The following SCAPER variants were observed in gnomAD, a reference collection of about 807,000 sequenced individuals.
SCAPER encodes the protein S phase cyclin A-associated protein in the endoplasmic reticulum.
SCAPER carries 98 observed loss-of-function variants against 182.2 expected under a neutral mutation model. That is an observed-to-expected ratio of 0.54 (90% CI 0.46 to 0.64). The LOEUF (loss-of-function observed/expected upper bound fraction) is 0.64, where lower values mean the gene tolerates loss of function less well. Among genes scored for constraint, SCAPER ranks in the 30% least tolerant of loss-of-function variants. SCAPER has a pLI of 0.00. For synonymous variants in SCAPER, 605 were observed against 564.6 expected (o/e 1.07, Z -1.01); for missense variants, 1,432 against 1,690.0 (o/e 0.85, Z 2.68).
intron 25 of SCAPER, among the ~76,000 whole-genome samples, chr15:76,440,964 C>T (rs1250525092): frequency 7.4e-6 from 1 of 134,938 alleles, no homozygotes. Flanking sequence ...CTCTGTCGCC[C>T]AGGCTGGGGT....
chr15:76,716,587 A>C (rs1454671200), intron 17 of SCAPER, among the ~76,000 whole-genome samples: 2 of 152,096 alleles, frequency 1.3e-5, no homozygotes, highest in Admixed American at 6.6e-5. Context: ...TCATGATCTG[A>C]ATGAGAAATT....
At chr15:76,507,763 AAATT>A (rs2041715563) in intron 23 of SCAPER, among the ~76,000 whole-genome samples, 1 of 152,168 alleles carries the variant, frequency 6.6e-6, no homozygotes, top group South Asian at 2.1e-4. Flanking sequence ...CTTAAGATTA[AAATT>A]AATAATTTTG....
At chr15:76,888,895 A>G (rs2074008929) in intron 1 of SCAPER, among the ~76,000 whole-genome samples, 1 of 152,238 alleles carries the variant, frequency 6.6e-6, no homozygotes, top group Non-Finnish European at 1.5e-5. Context: ...CAAGGTTGAA[A>G]TAAAGGAAAA....
At chr15:76,835,005 T>C (rs1040173419) in intron 5 of SCAPER, among the ~76,000 whole-genome samples, 6 of 152,108 alleles carry the variant, frequency 3.9e-5, no homozygotes, top group African/African-American at 1.4e-4. Context: ...CTACTAAAAG[T>C]GTTCCCAAAA....
intron 5 of SCAPER, among the ~76,000 whole-genome samples, chr15:76,818,972 C>G (rs924117249): frequency 6.6e-6 from 1 of 152,220 alleles, no homozygotes; most frequent in Non-Finnish European, 1.5e-5. Flanking sequence ...CCTACGCCCA[C>G]GGAGCCTCCC....
At chr15:76,747,557 G>A (rs2061860596) in intron 15 of SCAPER, among the ~76,000 whole-genome samples, 1 of 152,006 alleles carries the variant, frequency 6.6e-6, no homozygotes, top group Admixed American at 6.6e-5. Flanking sequence ...AATGTTGGAG[G>A]TAGAGGCCTA....
intron 26 of SCAPER, among the ~76,000 whole-genome samples, chr15:76,423,746 T>G (rs1031699533): frequency 2.0e-5 from 3 of 152,258 alleles, no homozygotes; most frequent in Non-Finnish European, 4.4e-5. Flanking sequence ...TGTTTTCTCT[T>G]GTGGGCATTC....
intron 2 of SCAPER, among the ~76,000 whole-genome samples, chr15:76,864,855 C>T (rs868604857): frequency 6.6e-6 from 1 of 152,112 alleles, no homozygotes; most frequent in Non-Finnish European, 1.5e-5. Flanking sequence ...TATTACTTGT[C>T]ATTTTGAAAT....
chr15:76,397,199 A>G (rs2044125505), intron 27 of SCAPER, among the ~76,000 whole-genome samples: 9 of 152,006 alleles, frequency 5.9e-5, no homozygotes, highest in Admixed American at 5.9e-4. Context: ...ATAATGAATG[A>G]TCTTTTTTGC....
At chr15:76,845,519 G>A (rs1437634645) in intron 4 of SCAPER, among the ~76,000 whole-genome samples, 1 of 151,978 alleles carries the variant, frequency 6.6e-6, no homozygotes, top group African/African-American at 2.4e-5. Flanking sequence ...TGAAGTTGCA[G>A]GATACAAAGT....
At chr15:76,681,714 A>G (rs11632670) in intron 20 of SCAPER, among the ~76,000 whole-genome samples, 52,925 of 151,984 alleles carry the variant, frequency 0.35, 9,529 homozygotes, top group East Asian at 0.55. Flanking sequence ...TTCTCTCCAC[A>G]GATCCCTGGA....
At chr15:76,823,367 T>C (rs544617274) in intron 5 of SCAPER, among the ~76,000 whole-genome samples, 8 of 151,978 alleles carry the variant, frequency 5.3e-5, no homozygotes, top group African/African-American at 9.7e-5. Flanking sequence ...GGCTAAGGCA[T>C]GATTATTGCT....
rs752266691 is a variant in SCAPER at position 76,495,989 on chromosome 15, GAGAGACAC to G, written c.2954+8862_2954+8869del. ...GGAGAAAGAGAAAGAAAGCAAAAGA[GAGAGACAC>G]ACACACACACACACACACACACACA... On this transcript the variant is annotated intron_variant, in intron 24 of 31. Coordinates refer to ENST00000563290, the MANE Select transcript of SCAPER (RefSeq NM_020843.4). Among the ~76,000 whole-genome samples, 498 of 105,564 alleles carry G rather than the reference GAGAGACAC, an allele frequency of 4.7e-3. 7 individuals are homozygous for G. The highest frequency in any genetic ancestry group is 0.014 in the African/African-American group (372 of 27,286). 69.3% of individuals were successfully genotyped at this position (105,564 alleles called of 152,430 possible).
chr15:76,800,495 T>C (rs1311357532), intron 6 of SCAPER, 131 bp from the exon 7 acceptor site: 1 of 664,642 alleles, frequency 1.5e-6, no homozygotes, highest in Admixed American at 2.8e-5. Context: ...AGTCACAACA[T>C]GTGCAAATGT....
intron 23 of SCAPER, among the ~76,000 whole-genome samples, chr15:76,546,223 A>C (rs928309720): frequency 3.9e-5 from 6 of 152,206 alleles, no homozygotes; most frequent in Admixed American, 3.3e-4. Flanking sequence ...AATGATGAAA[A>C]TATAAGACCA....
At chr15:76,636,618 C>T (rs992172654) in intron 21 of SCAPER, among the ~76,000 whole-genome samples, 3 of 152,126 alleles carry the variant, frequency 2.0e-5, no homozygotes, top group African/African-American at 7.2e-5. Context: ...TGTTATGTTG[C>T]CTCTAAAAGT....
chr15:76,392,896 C>T (rs1468593799), intron 27 of SCAPER, among the ~76,000 whole-genome samples: 1 of 152,222 alleles, frequency 6.6e-6, no homozygotes, highest in Non-Finnish European at 1.5e-5. Flanking sequence ...TTCTGCTCCT[C>T]TAAACCCTGC....
intron 17 of SCAPER, among the ~76,000 whole-genome samples, chr15:76,723,564 C>CT (rs1315554885): frequency 6.6e-6 from 1 of 152,182 alleles, no homozygotes; most frequent in Non-Finnish European, 1.5e-5. Flanking sequence ...GTGTGGAAGT[C>CT]TAAGTCTCTT....
intron 2 of SCAPER, among the ~76,000 whole-genome samples, chr15:76,869,287 G>C (rs888510935): frequency 5.9e-5 from 9 of 151,884 alleles, no homozygotes; most frequent in Admixed American, 2.0e-4. Flanking sequence ...GTAACTAAAA[G>C]GCTTCTGCAT....
Sources: allele counts gnomAD v4.1 joint callset (sites outside exome capture counted in the v4.1 genomes callset), GRCh38; gene constraint gnomAD v4.1.1; transcripts MANE v1.5; gene names NCBI Gene and HGNC (gene_info 2026-07-23, HGNC 2026-07-21).